Variants in UBR3 observed in about 807,000 individuals in gnomAD.
UBR3 encodes the protein E3 ubiquitin-protein ligase UBR3.
UBR3 carries 85 observed loss-of-function variants against 243.2 expected under a neutral mutation model. That is an observed-to-expected ratio of 0.35 (90% CI 0.29 to 0.42). The LOEUF (loss-of-function observed/expected upper bound fraction) is 0.42. Ranked by LOEUF, UBR3 falls within the 10% of genes least tolerant of loss-of-function variation. The pLI is 1.00. For missense variants in UBR3, 1,686 were observed against 2,300.8 expected, an observed-to-expected ratio of 0.73 and a Z score of 5.47; for synonymous variants, 748 against 799.8, an observed-to-expected ratio of 0.94 and a Z score of 1.09.
At chr2:169,946,415 A>G in intron 21 of UBR3, 23 bp downstream of exon 21, 1 of 1,387,638 alleles carries the variant, frequency 7.2e-7, no homozygotes, top group Non-Finnish European at 9.7e-7. Context: ...TATAATTTAA[A>G]ATTTTTAGAT....
intron 1 of UBR3, among the ~76,000 whole-genome samples, chr2:169,869,001 C>A (rs947889393): frequency 1.3e-5 from 2 of 152,028 alleles, no homozygotes; most frequent in Admixed American, 1.3e-4. Context: ...TCACATTCTC[C>A]ATTTGTCTAT....
In UBR3 at chr2:169,932,950, A is replaced by G; in HGVS notation, c.2605A>G (p.Ile869Val). The change falls in exon 19 of 39, where the codon ATT becomes GTT. Residue 869 changes from isoleucine to valine, a missense_variant. Around this residue, in one of 8 missense-constraint regions of UBR3, gnomAD observed 346 missense variants for 585.8 expected, o/e 0.59. Coordinates refer to ENST00000272793, the MANE Select transcript of UBR3 (RefSeq NM_172070.4). The stretch of plus-strand genomic sequence containing the variant: ...TCAAGAGTTTGACCCCGTCATGGTC[A>G]TTCTTCGAACAGTTTACCGTAGAGA... ...WDQEFDPVMV[I>V]LRTVYRRDVQ... The G allele has an allele frequency of 6.5e-7, 1 of 1,542,256 alleles. No individual in the cohort carries two copies. The highest frequency in any genetic ancestry group is 1.2e-5 in the South Asian group (1 of 81,692).
intron 31 of UBR3, among the ~76,000 whole-genome samples, chr2:170,040,642 T>G (rs974716711): frequency 6.6e-6 from 1 of 152,190 alleles, no homozygotes; most frequent in Admixed American, 6.5e-5. Flanking sequence ...TGTATCCTAA[T>G]TGTTCACTTT....
intron 1 of UBR3, among the ~76,000 whole-genome samples, chr2:169,835,993 GTCTCTCTCTCTCTCTCTCTCTCTCTC>G (rs577838877): frequency 1.3e-3 from 39 of 30,720 alleles, no homozygotes; most frequent in African/African-American, 3.5e-3. Flanking sequence ...TGTGTGCACT[GTCTCTCTCTCTCTCTCTCTCTCTCTC>G]TCTCTCTCTC....
Position 169,859,553 on chromosome 2 carries a change from G to C in UBR3, c.546-12683G>C, listed in dbSNP as rs2083013787. On this transcript the variant is annotated intron_variant, in intron 1 of 38. Transcript: ENST00000272793. ...AAGACCACCTTGTTATTATCCCACA[G>C]CTCACTGAGGTTCTGTTTACTTTTC... 2.0e-5 allele frequency among the ~76,000 whole-genome samples: 3 copies of C among 152,050 alleles called. No homozygotes were observed. The South Asian group carries it at 6.2e-4, about 32-fold the overall frequency.
At chr2:169,921,685 GT>G (rs1047905116) in intron 11 of UBR3, among the ~76,000 whole-genome samples, 4 of 152,126 alleles carry the variant, frequency 2.6e-5, no homozygotes, top group African/African-American at 7.2e-5. Context: ...CAGCTGGGTG[GT>G]AGAACCAGGA....
At chr2:169,944,406 T>G (rs1021862852) in intron 20 of UBR3, among the ~76,000 whole-genome samples, 12 of 152,312 alleles carry the variant, frequency 7.9e-5, no homozygotes, top group African/African-American at 2.9e-4. Flanking sequence ...TATTATGCTC[T>G]TTCAAGTTAT....
At chr2:170,051,005 T>G (rs2091203577) in intron 32 of UBR3, among the ~76,000 whole-genome samples, 2 of 152,222 alleles carry the variant, frequency 1.3e-5, no homozygotes, top group East Asian at 3.8e-4. Flanking sequence ...TCTTCTCATA[T>G]ACTTTAAATC....
At chr2:169,857,064 GTTTTTTTTTTT>G (rs770674966) in intron 1 of UBR3, among the ~76,000 whole-genome samples, 1 of 56,082 alleles carries the variant, frequency 1.8e-5, no homozygotes, top group Admixed American at 2.4e-4. Context: ...ATTTTATTAT[GTTTTTTTTTTT>G]TTTTTTTTTT....
At chr2:169,953,601 A>G (rs1188294445) in intron 23 of UBR3, among the ~76,000 whole-genome samples, 4 of 152,234 alleles carry the variant, frequency 2.6e-5, no homozygotes, top group East Asian at 1.9e-4. Context: ...TAGAAAAGCA[A>G]TAATCTCGAT....
intron 27 of UBR3, 108 bp downstream of exon 27, chr2:170,001,522 A>G (rs1410319925): frequency 3.0e-6 from 2 of 663,982 alleles, no homozygotes; most frequent in African/African-American, 3.6e-5. Flanking sequence ...GGTGATTTTG[A>G]TCATCGTATA....
At chr2:169,988,678 T>G (rs1035493981) in intron 25 of UBR3, among the ~76,000 whole-genome samples, 2 of 152,090 alleles carry the variant, frequency 1.3e-5, no homozygotes, top group Non-Finnish European at 2.9e-5. Context: ...GATGTGCACC[T>G]GTGGTCCCAG....
At chr2:169,838,558 T>C (rs1574012298) in intron 1 of UBR3, among the ~76,000 whole-genome samples, 1 of 152,164 alleles carries the variant, frequency 6.6e-6, no homozygotes, top group Non-Finnish European at 1.5e-5. Context: ...CATGACTTAA[T>C]CACATCCCCA....
intron 26 of UBR3, among the ~76,000 whole-genome samples, chr2:169,994,945 G>A (rs2089425555): frequency 1.3e-5 from 2 of 152,154 alleles, no homozygotes; most frequent in South Asian, 4.1e-4. Context: ...GTGGATGTGA[G>A]TGTGTCCTGC....
intron 11 of UBR3, among the ~76,000 whole-genome samples, chr2:169,916,686 C>G (rs115754273): frequency 0.012 from 1,769 of 152,160 alleles, 49 homozygotes; most frequent in African/African-American, 0.039. Flanking sequence ...CCAGGCTGGC[C>G]CCCTGTATTG....
chr2:169,869,572 ATTG>A (rs1458913707), intron 1 of UBR3, among the ~76,000 whole-genome samples: 2 of 152,166 alleles, frequency 1.3e-5, no homozygotes, highest in Non-Finnish European at 2.9e-5. Context: ...TAACCACAAT[ATTG>A]TTATCACACC....
At chr2:169,931,932 G>A (rs4392222) in intron 18 of UBR3, among the ~76,000 whole-genome samples, 64,341 of 151,906 alleles carry the variant, frequency 0.42, 15,226 homozygotes, top group Non-Finnish European at 0.54. Context: ...ACCATCAGTT[G>A]TACACATTCC....
At chr2:169,830,925 C>T (rs2081910495) in intron 1 of UBR3, among the ~76,000 whole-genome samples, 1 of 151,394 alleles carries the variant, frequency 6.6e-6, no homozygotes, top group African/African-American at 2.4e-5. Flanking sequence ...AGTCTGATCG[C>T]TTGTGATGCT....
intron 24 of UBR3, among the ~76,000 whole-genome samples, chr2:169,966,232 C>T (rs371389422): frequency 3.0e-4 from 46 of 152,158 alleles, no homozygotes; most frequent in African/African-American, 9.9e-4. Flanking sequence ...TAGATTATAA[C>T]CTTGATCCAT....
Sources: allele counts gnomAD v4.1 joint callset (sites outside exome capture counted in the v4.1 genomes callset), GRCh38; gene constraint gnomAD v4.1.1; regional missense constraint gnomAD v4.1.1; transcripts MANE v1.5; gene names NCBI Gene and HGNC (gene_info 2026-07-23, HGNC 2026-07-21).